The following SYN3 variants were observed in gnomAD, a reference collection of about 807,000 sequenced individuals.
SYN3 encodes the protein synapsin-3.
Under a neutral mutation model 65.8 loss-of-function variants are expected in SYN3, and 35 were observed. That is an observed-to-expected ratio of 0.53 (90% CI 0.41 to 0.70). The LOEUF (loss-of-function observed/expected upper bound fraction) is 0.70, where lower values mean the gene tolerates loss of function less well. SYN3 is among the 30% of genes least tolerant of loss of function. SYN3 has a pLI of 0.00. For synonymous variants in SYN3, 270 were observed against 292.9 expected (o/e 0.92, Z 0.80); for missense variants, 680 against 749.0 (o/e 0.91, Z 1.08).
At chr22:32,576,394 T>C (rs2058850805) in intron 7 of SYN3, among the ~76,000 whole-genome samples, 2 of 152,158 alleles carry the variant, frequency 1.3e-5, no homozygotes, top group Admixed American at 1.3e-4. Context: ...TTTAATCAGA[T>C]TACCTACCCC....
chr22:32,697,497 T>C (rs1007829844), intron 6 of SYN3, among the ~76,000 whole-genome samples: 1 of 152,230 alleles, frequency 6.6e-6, no homozygotes, highest in Non-Finnish European at 1.5e-5. Flanking sequence ...AATGAATAAA[T>C]GCCAAATGTA....
chr22:32,953,641 G>T (rs1279479493), intron 3 of SYN3, among the ~76,000 whole-genome samples: 2 of 152,128 alleles, frequency 1.3e-5, no homozygotes, highest in African/African-American at 4.8e-5. Context: ...CTGGAACAGG[G>T]CTAGTAAGGT....
At chr22:32,976,047 G>A (rs1278425254) in intron 3 of SYN3, among the ~76,000 whole-genome samples, 6 of 152,162 alleles carry the variant, frequency 3.9e-5, no homozygotes, top group African/African-American at 7.2e-5. Flanking sequence ...ATATAAATAC[G>A]GGGTCTGAAG....
At chr22:32,868,032 T>C (rs1275265976) in intron 5 of SYN3, among the ~76,000 whole-genome samples, 1 of 152,228 alleles carries the variant, frequency 6.6e-6, no homozygotes, top group African/African-American at 2.4e-5. Flanking sequence ...GCCTCACCAC[T>C]CACTGAGCAA....
At chr22:32,813,837 C>A (rs942769446) in intron 6 of SYN3, among the ~76,000 whole-genome samples, 15 of 152,094 alleles carry the variant, frequency 9.9e-5, no homozygotes, top group Non-Finnish European at 1.9e-4. Context: ...ATGGAGTATG[C>A]AATAATAGTA....
chr22:32,987,193 G>C (rs1023191075), intron 2 of SYN3, among the ~76,000 whole-genome samples: 1 of 152,110 alleles, frequency 6.6e-6, no homozygotes, highest in East Asian at 1.9e-4. Flanking sequence ...ACCCCCACTG[G>C]GGGTGGAGTG....
chr22:32,618,021 C>T (rs2059543923), intron 6 of SYN3, among the ~76,000 whole-genome samples: 2 of 152,106 alleles, frequency 1.3e-5, no homozygotes, highest in Non-Finnish European at 2.9e-5. Flanking sequence ...CTCTCTCTGG[C>T]TAGACTAGGT....
At chr22:32,687,541 T>A (rs1030977628) in intron 6 of SYN3, among the ~76,000 whole-genome samples, 2 of 152,156 alleles carry the variant, frequency 1.3e-5, no homozygotes, top group Admixed American at 6.5e-5. Flanking sequence ...TAAGCCCCCA[T>A]TACCTCTTGC....
chr22:32,673,565 G>T (rs2060401437), intron 6 of SYN3, among the ~76,000 whole-genome samples: 1 of 152,242 alleles, frequency 6.6e-6, no homozygotes. Context: ...ATAGTGGAAG[G>T]TTGGCAGCCA....
chr22:32,741,599 C>T (rs2061407349), intron 6 of SYN3, among the ~76,000 whole-genome samples: 3 of 151,950 alleles, frequency 2.0e-5, no homozygotes, highest in South Asian at 4.2e-4. Flanking sequence ...TCGTGATCCG[C>T]CTGCCTCGGC....
chr22:32,612,324 G>C lies in SYN3; in HGVS notation c.712-15588C>G, dbSNP rs552100881. Among the ~76,000 whole-genome samples the C allele has an allele frequency of 2.0e-5, 3 of 152,290 alleles. No individual in the cohort carries two copies. The East Asian group carries it at 5.8e-4, about 29-fold the overall frequency. On this transcript the variant is annotated intron_variant, in intron 6 of 13. Coordinates refer to ENST00000358763, the MANE Select transcript of SYN3 (RefSeq NM_003490.4). ...CCATGGGCACCCAAATTTGCAACTG[G>C]CTTCTGAAGTGGGGGACAGTCTTGT...
chr22:32,519,390 T>G (rs1196661341), intron 12 of SYN3: 5 of 152,224 alleles, frequency 3.3e-5, no homozygotes, highest in African/African-American at 1.2e-4. Flanking sequence ...CTCTTACTTT[T>G]TGAGTTGCTC....
intron 9 of SYN3, among the ~76,000 whole-genome samples, chr22:32,535,032 C>CG (rs903201348): frequency 6.6e-6 from 1 of 152,152 alleles, no homozygotes; most frequent in African/African-American, 2.4e-5. Flanking sequence ...ATTCTGGGCC[C>CG]GGGGGCTGAC....
At position 32,537,009 on chromosome 22, in the gene SYN3, A is replaced by G. The variant is rs928896676; in HGVS notation, c.992+1027T>C. Among the ~76,000 whole-genome samples, 3 of 152,258 alleles carry G rather than the reference A, an allele frequency of 2.0e-5. No individual in the cohort carries two copies. In the East Asian group the frequency reaches 5.8e-4, roughly 29 times the overall value. Reference sequence around the variant, plus strand: ...CAACATGGCCTGCAGTAGGTACTCAATAGGTGTTTACTGAACAGAGCTTTT... The same window carrying G: ...CAACATGGCCTGCAGTAGGTACTCAGTAGGTGTTTACTGAACAGAGCTTTT... On this transcript the variant is annotated intron_variant, in intron 9 of 13. Coordinates refer to ENST00000358763, the MANE Select transcript of SYN3 (RefSeq NM_003490.4).
chr22:32,911,974 C>T (rs563880499), intron 4 of SYN3, among the ~76,000 whole-genome samples: 4 of 152,306 alleles, frequency 2.6e-5, no homozygotes, highest in African/African-American at 7.2e-5. Context: ...CATAAGCTGT[C>T]GAACTTTGGG....
At chr22:32,660,493 A>C (rs2005639) in intron 6 of SYN3, among the ~76,000 whole-genome samples, 40,205 of 151,958 alleles carry the variant, frequency 0.26, 7,117 homozygotes, top group East Asian at 0.71. Flanking sequence ...TGGTGGAGGG[A>C]AGAGACCACT....
intron 1 of SYN3, among the ~76,000 whole-genome samples, chr22:33,031,285 C>T (rs932194558): frequency 4.6e-5 from 7 of 152,186 alleles, no homozygotes; most frequent in African/African-American, 1.7e-4. Flanking sequence ...CTGCAAACTG[C>T]TCCTCTCCCA....
At chr22:32,735,406 C>T (rs2061325995) in intron 6 of SYN3, among the ~76,000 whole-genome samples, 1 of 152,196 alleles carries the variant, frequency 6.6e-6, no homozygotes. Flanking sequence ...ATTATTATTA[C>T]TATCACTACT....
chr22:32,997,521 T>C (rs553418092), intron 2 of SYN3, among the ~76,000 whole-genome samples: 1 of 152,112 alleles, frequency 6.6e-6, no homozygotes, highest in African/African-American at 2.4e-5. Context: ...AGCAGGTGCA[T>C]GGTTTCTCCA....
Sources: gnomAD v4.1 joint callset for allele counts (sites outside exome capture counted in the v4.1 genomes callset) on GRCh38, gnomAD v4.1.1 for gene constraint, MANE v1.5 for transcripts, NCBI Gene and HGNC (gene_info 2026-07-23, HGNC 2026-07-21) for gene names.